Variants in RSF1 observed in about 807,000 individuals in gnomAD.
RSF1 encodes remodeling and spacing factor 1.
RSF1 carries 13 observed loss-of-function variants against 145.2 expected under a neutral mutation model. The ratio of observed to expected loss-of-function variants is 0.09; its 90% CI spans 0.06 to 0.14. RSF1 has a LOEUF of 0.14. RSF1 is among the 10% of genes least tolerant of loss of function. RSF1 has a pLI of 1.00. For synonymous variants in RSF1, 577 were observed against 592.6 expected (o/e 0.97, Z 0.38); for missense variants, 1,517 against 1,718.2 (o/e 0.88, Z 2.07).
intron 1 of RSF1, among the ~76,000 whole-genome samples, chr11:77,769,652 A>G (rs1948262074): frequency 6.6e-6 from 1 of 152,212 alleles, no homozygotes; most frequent in African/African-American, 2.4e-5. Flanking sequence ...AATTACTCAA[A>G]GATGTTTTAT....
In RSF1 at chr11:77,676,742, C is replaced by G. The variant is rs762256700; in HGVS notation, c.3341+50G>C. The G allele has an allele frequency of 3.2e-6, 5 of 1,545,420 alleles. No homozygotes were observed. In the South Asian group the frequency reaches 5.8e-5, roughly 18 times the overall value. On this transcript the variant is annotated intron_variant, in intron 13 of 15. Coordinates refer to ENST00000308488, the MANE Select transcript of RSF1 (RefSeq NM_016578.4). ...GGGCAAGCCTCTCTGCTAGCCCAGTCCTGTTCCTGCTGGTATCTAGGGATC... is the reference window on the plus strand; with the variant it reads ...GGGCAAGCCTCTCTGCTAGCCCAGTGCTGTTCCTGCTGGTATCTAGGGATC...
intron 1 of RSF1, among the ~76,000 whole-genome samples, chr11:77,819,490 C>A (rs1314817614): frequency 6.6e-6 from 1 of 152,198 alleles, no homozygotes; most frequent in Non-Finnish European, 1.5e-5. Context: ...TGGGGCCGGG[C>A]AGAGCATGCG....
At chr11:77,794,341 A>G (rs1046207965) in intron 1 of RSF1, among the ~76,000 whole-genome samples, 11 of 152,162 alleles carry the variant, frequency 7.2e-5, no homozygotes, top group African/African-American at 2.4e-4. Context: ...TCAGTCCACA[A>G]TGGAATAAAA....
At chr11:77,760,904 G>C (rs1210208652) in intron 2 of RSF1, among the ~76,000 whole-genome samples, 2 of 151,916 alleles carry the variant, frequency 1.3e-5, no homozygotes, top group African/African-American at 4.8e-5. Flanking sequence ...AGACACACTA[G>C]GTTATTTTCT....
At chr11:77,689,756 A>T (rs886289722) in intron 9 of RSF1, among the ~76,000 whole-genome samples, 1 of 152,228 alleles carries the variant, frequency 6.6e-6, no homozygotes, top group African/African-American at 2.4e-5. Context: ...GTGAAAATGA[A>T]TGATCAGAAA....
chr11:77,790,449 A>T (rs909519774), intron 1 of RSF1, among the ~76,000 whole-genome samples: 5 of 152,238 alleles, frequency 3.3e-5, no homozygotes, highest in Non-Finnish European at 5.9e-5. Context: ...AAGCCATATC[A>T]TCCTGCCCCG....
intron 1 of RSF1, among the ~76,000 whole-genome samples, chr11:77,788,124 C>A (rs1590887443): frequency 1.3e-5 from 1 of 78,846 alleles, no homozygotes; most frequent in African/African-American, 4.7e-5. Flanking sequence ...CCTGGGCAAC[C>A]AGAGTGAGAC....
chr11:77,747,263 C>A, intron 2 of RSF1, 135 bp from the exon 3 acceptor site: 3 of 546,264 alleles, frequency 5.5e-6, no homozygotes, highest in Non-Finnish European at 1.0e-5. Context: ...AATCCAACTG[C>A]ACCCTAAAAT....
chr11:77,740,358 A>AGAGC (rs1961479130), intron 4 of RSF1, among the ~76,000 whole-genome samples: 1 of 152,250 alleles, frequency 6.6e-6, no homozygotes, highest in Admixed American at 6.5e-5. Context: ...CTGGGCAACA[A>AGAGC]GAGCGAAACT....
At chr11:77,723,344 TTATC>T (rs879520271) in intron 5 of RSF1, among the ~76,000 whole-genome samples, 2 of 152,072 alleles carry the variant, frequency 1.3e-5, no homozygotes, top group Non-Finnish European at 2.9e-5. Flanking sequence ...GCCTGTAGTC[TTATC>T]TACTCAGGAA....
intron 1 of RSF1, among the ~76,000 whole-genome samples, chr11:77,777,933 C>T (rs1948358935): frequency 1.3e-5 from 2 of 149,594 alleles, no homozygotes; most frequent in South Asian, 2.1e-4. Flanking sequence ...TATCTCAATA[C>T]CTAGTTCTTA....
At chr11:77,802,842 A>G (rs1057229583) in intron 1 of RSF1, among the ~76,000 whole-genome samples, 2 of 151,982 alleles carry the variant, frequency 1.3e-5, no homozygotes, top group African/African-American at 4.8e-5. Context: ...TGAGCCACCA[A>G]AACCATTTAA....
intron 2 of RSF1, among the ~76,000 whole-genome samples, chr11:77,751,854 TC>T (rs1834429185): frequency 6.6e-6 from 1 of 152,244 alleles, no homozygotes; most frequent in African/African-American, 2.4e-5. Flanking sequence ...TCTGTCTTTA[TC>T]AGCTTTAACT....
intron 1 of RSF1, among the ~76,000 whole-genome samples, chr11:77,799,521 A>AG (rs1948606704): frequency 6.6e-6 from 1 of 151,230 alleles, no homozygotes; most frequent in African/African-American, 2.4e-5. Flanking sequence ...AAAAAAAAAA[A>AG]GCAAAGGATA....
At chr11:77,821,996 G>A (rs78103795), upstream of RSF1, among the ~76,000 whole-genome samples, 316 of 152,084 alleles carry the variant, frequency 2.1e-3, 5 homozygotes, top group East Asian at 0.032. Context: ...GCACAGTGCC[G>A]TAGCACATAG....
At chr11:77,751,690 T>G (rs180955578) in intron 2 of RSF1, among the ~76,000 whole-genome samples, 9 of 152,294 alleles carry the variant, frequency 5.9e-5, no homozygotes, top group African/African-American at 2.2e-4. Context: ...AGCTTCTTTT[T>G]AAATTTTTCA....
Position 77,692,232 on chromosome 11 carries a change from A to ATTTTTTTTTTTT in RSF1, c.2821-995_2821-994insAAAAAAAAAAAA, listed in dbSNP as rs1565149884. Among the ~76,000 whole-genome samples, 11 of 59,738 alleles carry ATTTTTTTTTTTT rather than the reference A, an allele frequency of 1.8e-4. 1 individual carries two copies. The highest frequency in any genetic ancestry group is 2.4e-4 in the Non-Finnish European group (8 of 33,122). 39.2% of individuals were successfully genotyped at this position (59,738 alleles called of 152,430 possible). A position where few individuals can be genotyped will look rare whatever the true frequency, so the allele number is the denominator to read the frequency against. On this transcript the variant is annotated intron_variant, in intron 8 of 15. Transcript: ENST00000308488. ...AAAAAAATAATTATTACTACTTTTA[A>ATTTTTTTTTTTT]ATTTTTTTTTTTTTTTTTTTTTTTT...
Position 77,780,684 on chromosome 11 carries a change from G to A in RSF1, c.188-15995C>T, listed in dbSNP as rs376110808. ...TACTAAAAATACAAAAATTAGCCGCGTGTGGTGGCACATGCTGGTAGTCCC... is the reference window on the plus strand; with the variant it reads ...TACTAAAAATACAAAAATTAGCCGCATGTGGTGGCACATGCTGGTAGTCCC... On this transcript the variant is annotated intron_variant, in intron 1 of 15. Coordinates refer to ENST00000308488, the MANE Select transcript of RSF1 (RefSeq NM_016578.4). Among the ~76,000 whole-genome samples the A allele has an allele frequency of 6.6e-5, 10 of 152,212 alleles. No individual in the cohort carries two copies. In the South Asian group the frequency reaches 1.2e-3, roughly 19 times the overall value.
At chr11:77,833,497 T>TA in the RSF1 span, among the ~76,000 whole-genome samples, 1 of 152,062 alleles carries the variant, frequency 6.6e-6, no homozygotes, top group African/African-American at 2.4e-5. Context: ...GCTCGGGCAG[T>TA]AATGTGAGCC....
Sources: gnomAD v4.1 joint callset for allele counts (sites outside exome capture counted in the v4.1 genomes callset) on GRCh38, gnomAD v4.1.1 for gene constraint, MANE v1.5 for transcripts, NCBI Gene and HGNC (gene_info 2026-07-23, HGNC 2026-07-21) for gene names.